NAV2: variants seen among roughly 807,000 people sequenced by gnomAD.
NAV2 encodes the protein neuron navigator 2, also known as helicase, APC down-regulated 1.
A neutral mutation model predicts 223.2 loss-of-function variants in NAV2; 54 were observed. That is an observed-to-expected ratio of 0.24 (90% CI 0.19 to 0.30). The LOEUF is 0.30. Ranked by LOEUF, NAV2 falls within the 10% of genes least tolerant of loss-of-function variation. The probability of loss-of-function intolerance (pLI) is 1.00; values close to 1 mark genes in which losing one functional copy is unlikely to be tolerated. For missense variants in NAV2, 2,806 were observed against 3,147.5 expected, an observed-to-expected ratio of 0.89 and a Z score of 2.60; for synonymous variants, 1,279 against 1,239.3, an observed-to-expected ratio of 1.03 and a Z score of -0.67.
In NAV2 at chr11:20,049,125, G is replaced by A. The variant is rs765276374; in HGVS notation, c.4300G>A (p.Ala1434Thr). 1.1e-5 allele frequency: 18 copies of A among 1,613,752 alleles called. No homozygotes were observed. The highest frequency in any genetic ancestry group is 1.6e-4 in the Middle Eastern group (1 of 6,082). ...PSHNSSTGLI[A>T]SSKDDSLTPF... is the part of the protein sequence containing the mutation. ...CCACAATTCTTCCACTGGCCTCATCGCCTCCTCCAAGGACGACTCCTTGAC... is the reference window on the plus strand; with the variant it reads ...CCACAATTCTTCCACTGGCCTCATCACCTCCTCCAAGGACGACTCCTTGAC... The change falls in exon 15 of 38, where the codon GCC (alanine) becomes ACC (threonine). Residue 1434 changes from alanine to threonine, a missense_variant. Transcript: ENST00000349880.
At position 19,509,342 on chromosome 11, in the gene NAV2, C is replaced by T. The variant is rs182902377; in HGVS notation, c.75+158315C>T. On this transcript the variant is annotated intron_variant, in intron 1 of 37. Coordinates refer to the NAV2 transcript ENST00000360655. ...ACAAAATCATCTTGGACAGGAACTACGTCATTAGCATGAGTGCTGGGGCCC... is the reference window on the plus strand; with the variant it reads ...ACAAAATCATCTTGGACAGGAACTATGTCATTAGCATGAGTGCTGGGGCCC... Among the ~76,000 whole-genome samples, 95 of 152,260 alleles carry T rather than the reference C, an allele frequency of 6.2e-4. 1 individual carries two copies. Among genetic ancestry groups the T allele is most frequent in the South Asian group, 4.3e-3 (21 of 4,830 alleles).
chr11:19,989,171 G>T (rs192650316), intron 11 of NAV2, among the ~76,000 whole-genome samples: 2 of 152,182 alleles, frequency 1.3e-5, no homozygotes, highest in East Asian at 3.9e-4. Flanking sequence ...GTTTCATGGC[G>T]AGGGGAATTA....
chr11:19,932,267 A>T (rs2045438841), intron 6 of NAV2, among the ~76,000 whole-genome samples: 1 of 150,198 alleles, frequency 6.7e-6, no homozygotes, highest in African/African-American at 2.4e-5. Context: ...AAAAGAAAGA[A>T]AAGGAAAAAA....
chr11:19,490,957 C>G (rs761815889), intron 1 of NAV2, among the ~76,000 whole-genome samples: 2 of 152,114 alleles, frequency 1.3e-5, no homozygotes, highest in Non-Finnish European at 2.9e-5. Context: ...GCATTAATAT[C>G]CTTGTACACC....
chr11:19,400,290 G>A (rs1347798645), intron 1 of NAV2, among the ~76,000 whole-genome samples: 1 of 152,182 alleles, frequency 6.6e-6, no homozygotes, highest in Non-Finnish European at 1.5e-5. Flanking sequence ...TCAATGGAGT[G>A]AGGCTCCATC....
rs7927319 is a variant in NAV2, at chr11:19,445,481, C to G, written c.75+94454C>G. Among the ~76,000 whole-genome samples, 320 of 152,202 alleles carry G rather than the reference C, an allele frequency of 2.1e-3. 1 individual carries two copies. Among genetic ancestry groups the G allele is most frequent in the African/African-American group, 7.0e-3 (290 of 41,520 alleles). ...AAACCTTATGAAGTTGCTATGATCC[C>G]CACTTTATAGATAAGGAAGCTGATA... On this transcript the variant is annotated intron_variant, in intron 1 of 37. Coordinates refer to the NAV2 transcript ENST00000360655.
chr11:19,769,653 A>C (rs1357440873), intron 1 of NAV2, among the ~76,000 whole-genome samples: 1 of 152,164 alleles, frequency 6.6e-6, no homozygotes, highest in Non-Finnish European at 1.5e-5. Context: ...CTTGCAAACA[A>C]CCATGTCCTG....
At chr11:19,932,492 T>A (rs1231865301) in intron 6 of NAV2, among the ~76,000 whole-genome samples, 3 of 152,118 alleles carry the variant, frequency 2.0e-5, no homozygotes, top group Admixed American at 1.3e-4. Flanking sequence ...CTAATTTTTG[T>A]ATTTTTAGTA....
chr11:19,585,446 C>G (rs1026199408), intron 1 of NAV2, among the ~76,000 whole-genome samples: 2 of 152,060 alleles, frequency 1.3e-5, no homozygotes, highest in Non-Finnish European at 2.9e-5. Context: ...TATTTTGCTC[C>G]TTAGTGGATG....
intron 1 of NAV2, among the ~76,000 whole-genome samples, chr11:19,409,537 G>C (rs1366656895): frequency 6.6e-6 from 1 of 152,142 alleles, no homozygotes; most frequent in Non-Finnish European, 1.5e-5. Context: ...AAGAAGGAAT[G>C]CAGCACTAGA....
chr11:19,690,276 C>G (rs886587655), intron 1 of NAV2, among the ~76,000 whole-genome samples: 4 of 152,144 alleles, frequency 2.6e-5, no homozygotes, highest in Non-Finnish European at 5.9e-5. Flanking sequence ...TACATCTATT[C>G]TAATATTTTC....
intron 34 of NAV2, chr11:20,105,064 T>C (rs2061925016): frequency 1.3e-5 from 2 of 154,044 alleles, no homozygotes; most frequent in African/African-American, 4.8e-5. Context: ...TTTCATTTCT[T>C]TCTTTGCCTG....
Position 20,083,066 on chromosome 11 carries a change from T to A in NAV2, c.5385T>A (p.Ser1795=). The change falls in exon 26 of 38, where the codon TCT becomes TCA. Residue 1795 remains serine (S), a synonymous_variant. Coordinates refer to ENST00000349880, the MANE Select transcript of NAV2 (RefSeq NM_145117.5). ...AGAAGTCCCCAAAATCTGCGTCCTC[T>A]CATTCAGATATTGAGGAGATGACGG... is the stretch of plus-strand genomic sequence containing the variant. ...GKKKSPKSAS[S]HSDIEEMTDS... The A allele has an allele frequency of 6.2e-7, 1 of 1,614,170 alleles. No individual in the cohort carries two copies. Among genetic ancestry groups the A allele is most frequent in the South Asian group, 1.1e-5 (1 of 91,082 alleles).
intron 1 of NAV2, among the ~76,000 whole-genome samples, chr11:19,526,902 C>G (rs559092932): frequency 2.0e-5 from 3 of 152,320 alleles, no homozygotes; most frequent in South Asian, 4.2e-4. Flanking sequence ...GGTAATTCTT[C>G]TTCATCCCAG....
intron 26 of NAV2, among the ~76,000 whole-genome samples, chr11:20,087,806 G>A (rs963340373): frequency 1.3e-5 from 2 of 152,096 alleles, no homozygotes; most frequent in South Asian, 2.1e-4. Context: ...TGCAGTCTTG[G>A]GCCTGCTTGT....
chr11:19,707,390 A>G (rs1311545857), intron 1 of NAV2, among the ~76,000 whole-genome samples: 1 of 152,192 alleles, frequency 6.6e-6, no homozygotes, highest in Non-Finnish European at 1.5e-5. Context: ...GCTTTTTTCT[A>G]TTAGTTATTT....
chr11:19,824,978 C>T (rs1019387159), intron 1 of NAV2, among the ~76,000 whole-genome samples: 3 of 152,220 alleles, frequency 2.0e-5, no homozygotes, highest in Non-Finnish European at 4.4e-5. Flanking sequence ...CATTTAACCA[C>T]GTACTGCTCA....
At chr11:19,979,353 TC>T (rs1329081732) in intron 10 of NAV2, among the ~76,000 whole-genome samples, 1 of 152,182 alleles carries the variant, frequency 6.6e-6, no homozygotes, top group Non-Finnish European at 1.5e-5. Flanking sequence ...AGGCCTGGCA[TC>T]CAAGATGTTC....
At chr11:19,842,319 C>G (rs747007998) in intron 2 of NAV2, among the ~76,000 whole-genome samples, 1 of 152,130 alleles carries the variant, frequency 6.6e-6, no homozygotes, top group Non-Finnish European at 1.5e-5. Flanking sequence ...TACTGTGTGG[C>G]GTTGGTCAAG....
Sources: gnomAD v4.1 joint callset for allele counts (sites outside exome capture counted in the v4.1 genomes callset) on GRCh38, gnomAD v4.1.1 for gene constraint, MANE v1.5 for transcripts, NCBI Gene and HGNC (gene_info 2026-07-23, HGNC 2026-07-21) for gene names.